Variants in CPEB1 observed in about 807,000 individuals in gnomAD.
CPEB1 encodes cytoplasmic polyadenylation element-binding protein 1.
CPEB1 carries 7 observed loss-of-function variants against 65.8 expected under a neutral mutation model. The ratio of observed to expected loss-of-function variants is 0.11; its 90% CI spans 0.06 to 0.20. The LOEUF is 0.20. Ranked by LOEUF, CPEB1 falls within the 10% of genes least tolerant of loss-of-function variation. The pLI, the probability that CPEB1 is intolerant of heterozygous loss-of-function variation, is 1.00. For synonymous variants in CPEB1, 262 were observed against 260.0 expected, an observed-to-expected ratio of 1.01 and a Z score of -0.08; for missense variants, 551 against 712.2, an observed-to-expected ratio of 0.77 and a Z score of 2.58.
intron 3 of CPEB1, among the ~76,000 whole-genome samples, chr15:82,591,721 T>C (rs1369420560): frequency 6.6e-6 from 1 of 152,212 alleles, no homozygotes; most frequent in Non-Finnish European, 1.5e-5. Context: ...ATGAATCTAT[T>C]TTCTGTCTCT....
intron 3 of CPEB1, among the ~76,000 whole-genome samples, chr15:82,619,005 A>G (rs2045035559): frequency 6.6e-6 from 1 of 152,230 alleles, no homozygotes; most frequent in African/African-American, 2.4e-5. Flanking sequence ...AAGATCCAAG[A>G]AAAGCCAAGA....
At chr15:82,612,199 A>G (rs1380024833) in intron 3 of CPEB1, among the ~76,000 whole-genome samples, 1 of 152,176 alleles carries the variant, frequency 6.6e-6, no homozygotes, top group African/African-American at 2.4e-5. Flanking sequence ...AACTTAGAAG[A>G]CGGAATAGAA....
intron 4 of CPEB1, among the ~76,000 whole-genome samples, chr15:82,561,556 T>C (rs1171078598): frequency 6.6e-6 from 1 of 152,230 alleles, no homozygotes; most frequent in Non-Finnish European, 1.5e-5. Context: ...GTATGGGCTC[T>C]GGTAACTGTC....
intron 3 of CPEB1, among the ~76,000 whole-genome samples, chr15:82,593,768 T>C (rs951792116): frequency 9.2e-5 from 14 of 152,250 alleles, no homozygotes; most frequent in East Asian, 3.8e-4. Flanking sequence ...CCTTGATCCA[T>C]AGGCTGCAAA....
chr15:82,546,622 G>A (rs577733442), intron 11 of CPEB1, 101 bp from the exon 12 acceptor site: 1 of 852,164 alleles, frequency 1.2e-6, no homozygotes, highest in Non-Finnish European at 2.0e-6. Flanking sequence ...CAGGAATGCG[G>A]GATATTGGAA....
chr15:82,595,038 G>A (rs2042569181), intron 3 of CPEB1, among the ~76,000 whole-genome samples: 2 of 152,220 alleles, frequency 1.3e-5, no homozygotes, highest in Admixed American at 6.5e-5. Flanking sequence ...TTACCAGAAT[G>A]TGGCACAGAA....
chr15:82,636,764 C>T (rs2046691340), intron 1 of CPEB1, among the ~76,000 whole-genome samples: 2 of 152,302 alleles, frequency 1.3e-5, no homozygotes, highest in Admixed American at 6.5e-5. Context: ...AATACAGATA[C>T]CACATGAAAG....
chr15:82,598,469 A>G (rs2042841847), intron 3 of CPEB1, among the ~76,000 whole-genome samples: 1 of 151,990 alleles, frequency 6.6e-6, no homozygotes, highest in African/African-American at 2.4e-5. Flanking sequence ...AGCCTGAGTG[A>G]CAGAGCAAAA....
At chr15:82,615,601 C>T (rs144241451) in intron 3 of CPEB1, among the ~76,000 whole-genome samples, 80 of 152,136 alleles carry the variant, frequency 5.3e-4, no homozygotes, top group African/African-American at 1.7e-3. Flanking sequence ...ATATGCTACA[C>T]GTATTATTTT....
chr15:82,575,998 A>C (rs1001354057), intron 3 of CPEB1, among the ~76,000 whole-genome samples: 1 of 152,222 alleles, frequency 6.6e-6, no homozygotes, highest in Non-Finnish European at 1.5e-5. Context: ...AAGAGGAGTA[A>C]AAGTGTATGT....
intron 3 of CPEB1, among the ~76,000 whole-genome samples, chr15:82,581,505 A>AT (rs911510258): frequency 6.6e-6 from 1 of 151,886 alleles, no homozygotes; most frequent in Admixed American, 6.6e-5. Flanking sequence ...ACTATGTTTA[A>AT]TTTTTTTTGG....
intron 4 of CPEB1, among the ~76,000 whole-genome samples, chr15:82,567,983 CTCA>C (rs1381884181): frequency 1.3e-5 from 2 of 152,206 alleles, no homozygotes. Flanking sequence ...CTTCAGAGAT[CTCA>C]TCAAGGGAGC....
chr15:82,625,560 A>C (rs1414967806), intron 3 of CPEB1, among the ~76,000 whole-genome samples: 1 of 152,206 alleles, frequency 6.6e-6, no homozygotes, highest in Admixed American at 6.5e-5. Context: ...AAATCCGCAC[A>C]TACTCAAGTC....
At chr15:82,560,987 G>A (rs578132888) in intron 4 of CPEB1, among the ~76,000 whole-genome samples, 3 of 152,328 alleles carry the variant, frequency 2.0e-5, no homozygotes, top group Admixed American at 6.5e-5. Context: ...AGAATGGGTC[G>A]TGCATTATAG....
chr15:82,603,055 A>C (rs1005346728), intron 3 of CPEB1, among the ~76,000 whole-genome samples: 2 of 152,186 alleles, frequency 1.3e-5, no homozygotes, highest in African/African-American at 4.8e-5. Flanking sequence ...AAATAAAAAC[A>C]AGATAGCTGA....
intron 1 of CPEB1, chr15:82,640,843 G>A (rs1380903706): frequency 1.3e-5 from 2 of 151,626 alleles, no homozygotes; most frequent in African/African-American, 4.9e-5. Context: ...TGAAGAATGC[G>A]GCATTTGGGG....
chr15:82,607,233 A>C (rs1254603841), intron 3 of CPEB1, among the ~76,000 whole-genome samples: 4 of 152,202 alleles, frequency 2.6e-5, no homozygotes, highest in African/African-American at 9.7e-5. Context: ...GACAGAATGG[A>C]CTTTTTAAAA....
At chr15:82,604,835 A>G (rs2043420972) in intron 3 of CPEB1, among the ~76,000 whole-genome samples, 1 of 151,560 alleles carries the variant, frequency 6.6e-6, no homozygotes, top group Non-Finnish European at 1.5e-5. Context: ...AAAGAGACAG[A>G]ATATGTGAAG....
intron 10 of CPEB1, among the ~76,000 whole-genome samples, chr15:82,549,107 C>G (rs2035805732): frequency 1.3e-5 from 2 of 152,230 alleles, no homozygotes; most frequent in Non-Finnish European, 2.9e-5. Flanking sequence ...AAACTCCAGG[C>G]AAGTTCAGAG....
Sources: gnomAD v4.1 joint callset for allele counts (sites outside exome capture counted in the v4.1 genomes callset) on GRCh38, gnomAD v4.1.1 for gene constraint, MANE v1.5 for transcripts, NCBI Gene and HGNC (gene_info 2026-07-23, HGNC 2026-07-21) for gene names.